The following SMOC2 variants were observed in gnomAD, a reference collection of about 807,000 sequenced individuals.
SMOC2 encodes SPARC related modular calcium binding 2.
A neutral mutation model predicts 61.4 loss-of-function variants in SMOC2; 39 were observed. That is an observed-to-expected ratio of 0.64 (90% CI 0.49 to 0.83). The LOEUF (loss-of-function observed/expected upper bound fraction) is 0.83. Ranked by LOEUF, SMOC2 falls within the 40% of genes least tolerant of loss-of-function variation. The probability of loss-of-function intolerance (pLI) is 0.00; values close to 1 mark genes in which losing one functional copy is unlikely to be tolerated. For missense variants in SMOC2, 556 were observed against 592.9 expected (o/e 0.94, Z 0.65); for synonymous variants, 247 against 239.9 (o/e 1.03, Z -0.27).
chr6:168,530,943 G>A (rs546089696), intron 4 of SMOC2, among the ~76,000 whole-genome samples: 9 of 152,258 alleles, frequency 5.9e-5, no homozygotes, highest in African/African-American at 1.4e-4. Flanking sequence ...TGAGCACTGC[G>A]GTTCGCTCGG....
intron 8 of SMOC2, among the ~76,000 whole-genome samples, chr6:168,603,469 A>G (rs1011538486): frequency 6.6e-6 from 1 of 151,872 alleles, no homozygotes; most frequent in Non-Finnish European, 1.5e-5. Flanking sequence ...GAGTGATACA[A>G]TCTCTCAACA....
intron 1 of SMOC2, among the ~76,000 whole-genome samples, chr6:168,444,340 TACTC>T (rs1367691893): frequency 6.6e-6 from 1 of 152,192 alleles, no homozygotes; most frequent in Non-Finnish European, 1.5e-5. Context: ...GCATTTGTCT[TACTC>T]ACCTATGGTG....
In SMOC2 at chr6:168,643,892, G is replaced by A. The variant is rs551615356; in HGVS notation, c.908-6789G>A. On this transcript the variant is annotated intron_variant, in intron 9 of 12. Transcript: ENST00000356284. ...GCTGCATGAGGGTGACATGCACACG[G>A]CCCCACGCGTAGATCAGACAGGAAT... is the stretch of plus-strand genomic sequence containing the variant. Among the ~76,000 whole-genome samples, 9 of 152,284 alleles carry A rather than the reference G, an allele frequency of 5.9e-5. No homozygotes were observed. In the South Asian group the frequency reaches 1.9e-3, roughly 32 times the overall value.
At chr6:168,666,355 A>C (rs1583199745) in intron 12 of SMOC2, 66 bp from the exon 13 acceptor site, 1 of 1,598,836 alleles carries the variant, frequency 6.3e-7, no homozygotes, top group East Asian at 2.2e-5. Context: ...GCCAAGCCTT[A>C]GTCTTCACAG....
Position 168,526,029 on chromosome 6 carries a change from G to A in SMOC2, c.257-317G>A, listed in dbSNP as rs575394023. Among the ~76,000 whole-genome samples the A allele has an allele frequency of 1.6e-4, 25 of 152,308 alleles. 1 individual carries two copies. The South Asian group carries it at 5.0e-3, about 30-fold the overall frequency. ...CGTTTCCCCATTTTCAGGAAGCAGG[G>A]GCCACCTGTTTCCCCAGGGATAAGC... On this transcript the variant is annotated intron_variant, in intron 2 of 12. Transcript: ENST00000356284.
chr6:168,543,769 T>C (rs1783928660), intron 5 of SMOC2, 97 bp downstream of exon 5: 1 of 1,148,936 alleles, frequency 8.7e-7, no homozygotes, highest in Non-Finnish European at 1.3e-6. Flanking sequence ...CCACTAGTGA[T>C]GATGATGAGA....
intron 10 of SMOC2, among the ~76,000 whole-genome samples, chr6:168,651,917 T>G (rs1185889386): frequency 6.6e-6 from 1 of 151,940 alleles, no homozygotes; most frequent in Non-Finnish European, 1.5e-5. Context: ...GGCAGGCACC[T>G]GTAATCCCAG....
intron 1 of SMOC2, among the ~76,000 whole-genome samples, chr6:168,455,009 C>T (rs963545465): frequency 2.6e-5 from 4 of 152,096 alleles, no homozygotes; most frequent in African/African-American, 9.7e-5. Context: ...GCCGGGGTCT[C>T]AGATGGGAGC....
At chr6:168,489,334 C>G (rs1327495405) in intron 1 of SMOC2, among the ~76,000 whole-genome samples, 1 of 150,526 alleles carries the variant, frequency 6.6e-6, no homozygotes, top group Admixed American at 6.6e-5. Flanking sequence ...CCTTGGATCA[C>G]ACTGTTTTAG....
chr6:168,510,520 C>T (rs1400475862), intron 2 of SMOC2, among the ~76,000 whole-genome samples: 2 of 152,142 alleles, frequency 1.3e-5, no homozygotes, highest in Non-Finnish European at 2.9e-5. Flanking sequence ...GAGTCTAATG[C>T]TTAGAGCCAA....
At chr6:168,659,659 T>G in intron 11 of SMOC2, among the ~76,000 whole-genome samples, 1 of 150,940 alleles carries the variant, frequency 6.6e-6, no homozygotes. Context: ...AGGGTGGAGG[T>G]TGTAGGCTGG....
chr6:168,659,715 T>TG (rs1562410943), intron 11 of SMOC2, among the ~76,000 whole-genome samples: 17 of 149,378 alleles, frequency 1.1e-4, no homozygotes, highest in Admixed American at 2.7e-4. Flanking sequence ...GGTTGTAGGC[T>TG]GAGTGAGGGT....
chr6:168,465,928 G>T (rs1583036078), intron 1 of SMOC2, among the ~76,000 whole-genome samples: 2 of 122,050 alleles, frequency 1.6e-5, no homozygotes, highest in African/African-American at 3.2e-5. Context: ...GGAACTGGGG[G>T]GCTCTGGATG....
At chr6:168,486,454 TG>T (rs1782343582) in intron 1 of SMOC2, among the ~76,000 whole-genome samples, 1 of 152,186 alleles carries the variant, frequency 6.6e-6, no homozygotes, top group South Asian at 2.1e-4. Context: ...AATAAAATCA[TG>T]AAAGGACTGC....
At chr6:168,642,890 G>A (rs1032070683) in intron 9 of SMOC2, among the ~76,000 whole-genome samples, 2 of 152,158 alleles carry the variant, frequency 1.3e-5, no homozygotes, top group African/African-American at 4.8e-5. Flanking sequence ...GGAGCAAGTG[G>A]GGTACTTGGG....
intron 4 of SMOC2, among the ~76,000 whole-genome samples, chr6:168,529,580 CAT>C (rs71802048): frequency 0.011 from 1,683 of 152,328 alleles, 26 homozygotes; most frequent in African/African-American, 0.038. Context: ...CCTCCGCACA[CAT>C]GTGGGCACGG....
At chr6:168,458,530 A>G (rs1324515677) in intron 1 of SMOC2, among the ~76,000 whole-genome samples, 1 of 152,162 alleles carries the variant, frequency 6.6e-6, no homozygotes, top group African/African-American at 2.4e-5. Flanking sequence ...TTTGGAGTGC[A>G]GTATTTTGAG....
intron 9 of SMOC2, among the ~76,000 whole-genome samples, chr6:168,633,640 C>T (rs1465631951): frequency 6.6e-6 from 1 of 152,162 alleles, no homozygotes; most frequent in Non-Finnish European, 1.5e-5. Context: ...GAAGTGAGTC[C>T]TCCTTGCAGG....
chr6:168,536,084 A>G (rs1783726275), intron 4 of SMOC2, among the ~76,000 whole-genome samples: 1 of 152,148 alleles, frequency 6.6e-6, no homozygotes, highest in Non-Finnish European at 1.5e-5. Context: ...CTGGCCTGGC[A>G]GGTCTGTCGT....
Sources: gnomAD v4.1 joint callset for allele counts (sites outside exome capture counted in the v4.1 genomes callset) on GRCh38, gnomAD v4.1.1 for gene constraint, MANE v1.5 for transcripts, NCBI Gene and HGNC (gene_info 2026-07-23, HGNC 2026-07-21) for gene names.